PARD3: variants seen among roughly 807,000 people sequenced by gnomAD.
The protein encoded by PARD3 is par-3 family cell polarity regulator.
PARD3 carries 75 observed loss-of-function variants against 155.4 expected under a neutral mutation model. The ratio of observed to expected loss-of-function variants is 0.48; its 90% CI spans 0.40 to 0.58. The LOEUF is 0.58. Ranked by LOEUF, PARD3 falls within the 20% of genes least tolerant of loss-of-function variation. The pLI, the probability that PARD3 is intolerant of heterozygous loss-of-function variation, is 0.00. For synonymous variants in PARD3, 576 were observed against 610.5 expected (o/e 0.94, Z 0.83); for missense variants, 1,642 against 1,721.7 (o/e 0.95, Z 0.82).
intron 2 of PARD3, among the ~76,000 whole-genome samples, chr10:34,583,202 C>A (rs772088493): frequency 6.6e-6 from 1 of 152,180 alleles, no homozygotes; most frequent in Admixed American, 6.5e-5. Context: ...ACAAATGACA[C>A]GATATAACCA....
At chr10:34,250,390 T>C (rs1164191354) in intron 22 of PARD3, among the ~76,000 whole-genome samples, 1 of 152,170 alleles carries the variant, frequency 6.6e-6, no homozygotes, top group Non-Finnish European at 1.5e-5. Context: ...TCTAATGAAA[T>C]ATTAAGGTAA....
chr10:34,351,470 T>C (rs1306359697), intron 14 of PARD3, among the ~76,000 whole-genome samples: 4 of 152,182 alleles, frequency 2.6e-5, no homozygotes, highest in Non-Finnish European at 4.4e-5. Flanking sequence ...TTCTGGAAAA[T>C]ATTAGCTTCC....
intron 1 of PARD3, among the ~76,000 whole-genome samples, chr10:34,797,253 C>T (rs1359100343): frequency 6.6e-6 from 1 of 152,146 alleles, no homozygotes; most frequent in Non-Finnish European, 1.5e-5. Flanking sequence ...TGGGCTCAAG[C>T]GATTCTCCCA....
chr10:34,704,458 C>A (rs550345658), intron 1 of PARD3, among the ~76,000 whole-genome samples: 1 of 150,962 alleles, frequency 6.6e-6, no homozygotes, highest in Non-Finnish European at 1.5e-5. Flanking sequence ...AAGGCAGACA[C>A]AAACACACAC....
chr10:34,801,000 A>G (rs1842796280), intron 1 of PARD3, among the ~76,000 whole-genome samples: 1 of 152,158 alleles, frequency 6.6e-6, no homozygotes, highest in Admixed American at 6.5e-5. Flanking sequence ...CCCCCTATCA[A>G]AACACTCTAA....
At chr10:34,115,969 C>T (rs764791020) in intron 24 of PARD3, among the ~76,000 whole-genome samples, 2 of 152,170 alleles carry the variant, frequency 1.3e-5, no homozygotes. Flanking sequence ...GCCTCGGCAT[C>T]CCAAATGCTG....
At chr10:34,484,920 G>A (rs1194743565) in intron 3 of PARD3, among the ~76,000 whole-genome samples, 1 of 152,156 alleles carries the variant, frequency 6.6e-6, no homozygotes, top group Non-Finnish European at 1.5e-5. Context: ...TGTTTGCCAT[G>A]CTGCCCTCCT....
chr10:34,601,075 T>G (rs1426195088), intron 2 of PARD3, among the ~76,000 whole-genome samples: 2 of 142,040 alleles, frequency 1.4e-5, no homozygotes, highest in Non-Finnish European at 3.0e-5. Context: ...TCTCCCAAAG[T>G]GCACGCATTA....
intron 3 of PARD3, among the ~76,000 whole-genome samples, chr10:34,502,613 T>C (rs187313923): frequency 9.7e-4 from 147 of 152,206 alleles, no homozygotes; most frequent in Admixed American, 1.6e-3. Context: ...GAACTACATA[T>C]ACCCTGCTTT....
chr10:34,769,167 A>G (rs969428148), intron 1 of PARD3, among the ~76,000 whole-genome samples: 3 of 152,210 alleles, frequency 2.0e-5, no homozygotes, highest in Non-Finnish European at 4.4e-5. Context: ...CTGTCTGCAC[A>G]GGGCTGATGG....
intron 2 of PARD3, among the ~76,000 whole-genome samples, chr10:34,677,537 C>G (rs2093731769): frequency 6.6e-6 from 1 of 151,332 alleles, no homozygotes. Flanking sequence ...ATATGAGGAC[C>G]AAAATAAGTG....
At chr10:34,232,883 T>C (rs1169282726) in intron 22 of PARD3, among the ~76,000 whole-genome samples, 3 of 151,972 alleles carry the variant, frequency 2.0e-5, no homozygotes, top group African/African-American at 7.3e-5. Flanking sequence ...TAATTTTTTG[T>C]AGTGACGAGA....
chr10:34,562,704 G>A (rs192851923), intron 2 of PARD3, among the ~76,000 whole-genome samples: 6 of 152,184 alleles, frequency 3.9e-5, no homozygotes, highest in African/African-American at 1.4e-4. Flanking sequence ...TATCTGGAGA[G>A]AGGAGAGGAA....
intron 23 of PARD3, among the ~76,000 whole-genome samples, chr10:34,128,532 T>C (rs1947413434): frequency 6.6e-6 from 1 of 152,152 alleles, no homozygotes; most frequent in East Asian, 1.9e-4. Context: ...ATTAGTGCAG[T>C]AGTTAAGTTT....
At position 34,121,919 on chromosome 10, in the gene PARD3, C is replaced by G. The variant is rs186194479; in HGVS notation, c.3541-2179G>C. 3.3e-3 allele frequency among the ~76,000 whole-genome samples: 501 copies of G among 152,282 alleles called. 1 individual carries two copies. Among genetic ancestry groups the G allele is most frequent in the African/African-American group, 0.011 (472 of 41,550 alleles). ...TCAGCAAGAAAAACACTTCGCTGAGCGAGTTCTGCTTATGCAAACAATTGT... is the reference window on the plus strand; with the variant it reads ...TCAGCAAGAAAAACACTTCGCTGAGGGAGTTCTGCTTATGCAAACAATTGT... On this transcript the variant is annotated intron_variant, in intron 23 of 24. Transcript: ENST00000374788.
chr10:34,558,858 A>AT (rs1490627881), intron 2 of PARD3, among the ~76,000 whole-genome samples: 1 of 152,156 alleles, frequency 6.6e-6, no homozygotes, highest in Non-Finnish European at 1.5e-5. Context: ...GAGGCAGAAG[A>AT]ATCACTTTAA....
chr10:34,444,027 G>A (rs1261418898), intron 5 of PARD3, among the ~76,000 whole-genome samples: 1 of 150,628 alleles, frequency 6.6e-6, no homozygotes, highest in Non-Finnish European at 1.5e-5. Flanking sequence ...TTGCCTGTTT[G>A]TATAATCTCC....
intron 2 of PARD3, among the ~76,000 whole-genome samples, chr10:34,568,505 T>C (rs1366011036): frequency 6.6e-6 from 1 of 152,212 alleles, no homozygotes; most frequent in African/African-American, 2.4e-5. Flanking sequence ...ATGGAATTTA[T>C]AGAAATAAGA....
chr10:34,345,304 T>C, intron 15 of PARD3: 1 of 985,394 alleles, frequency 1.0e-6, no homozygotes, highest in Non-Finnish European at 1.2e-6. Context: ...AGGGATGTGT[T>C]CACATAGGAA....
Sources: allele counts gnomAD v4.1 joint callset (sites outside exome capture counted in the v4.1 genomes callset), GRCh38; gene constraint gnomAD v4.1.1; transcripts MANE v1.5; gene names NCBI Gene and HGNC (gene_info 2026-07-23, HGNC 2026-07-21).